GRID1: variants seen among roughly 807,000 people sequenced by gnomAD.
GRID1 encodes glutamate ionotropic receptor delta type subunit 1, also known as glutamate receptor ionotropic, delta-1.
GRID1 carries 28 observed loss-of-function variants against 98.0 expected under a neutral mutation model. That is an observed-to-expected ratio of 0.29 (90% CI 0.21 to 0.39). GRID1 has a LOEUF of 0.39. Among genes scored for constraint, GRID1 ranks in the 10% least tolerant of loss-of-function variants. The probability of loss-of-function intolerance (pLI) is 1.00; values close to 1 mark genes in which losing one functional copy is unlikely to be tolerated. For synonymous variants in GRID1, 553 were observed against 538.5 expected, an observed-to-expected ratio of 1.03 and a Z score of -0.37; for missense variants, 1,111 against 1,340.5, an observed-to-expected ratio of 0.83 and a Z score of 2.67.
At chr10:85,623,098 T>C (rs1169242785) in intron 13 of GRID1, among the ~76,000 whole-genome samples, 3 of 152,198 alleles carry the variant, frequency 2.0e-5, no homozygotes, top group Admixed American at 6.5e-5. Context: ...TCGTCTTCAC[T>C]TCCTTGGCAT....
intron 2 of GRID1, among the ~76,000 whole-genome samples, chr10:86,299,953 C>T (rs1847657813): frequency 6.6e-6 from 1 of 152,184 alleles, no homozygotes; most frequent in Non-Finnish European, 1.5e-5. Flanking sequence ...AAATAGTGTT[C>T]TCCAAAAAGT....
intron 6 of GRID1, among the ~76,000 whole-genome samples, chr10:85,857,560 A>C (rs1843124590): frequency 6.6e-6 from 1 of 152,110 alleles, no homozygotes. Context: ...AGGAGAAGGG[A>C]AGGCGGTGAG....
intron 4 of GRID1, among the ~76,000 whole-genome samples, chr10:86,001,222 T>C (rs1425267959): frequency 6.6e-6 from 1 of 152,124 alleles, no homozygotes; most frequent in Non-Finnish European, 1.5e-5. Flanking sequence ...AGGGATAATA[T>C]AAGGAAATTT....
intron 2 of GRID1, chr10:86,264,562 G>A (rs1847072551): frequency 2.3e-6 from 1 of 439,386 alleles, no homozygotes; most frequent in South Asian, 1.6e-5. Flanking sequence ...ACTCCACCTG[G>A]AGAGCAAGGT....
chr10:85,613,506 G>A lies in GRID1; in HGVS notation c.2502C>T (p.Val834=), dbSNP rs770202857. ...GCAGGCCAATGGCCAGGATGCAGAA[G>A]ACCCCGGCGAAGCTGTGCAGCTTGA... ...KSLKLHSFAG[V]FCILAIGLLL... Residue 834 remains valine (V), a synonymous_variant, in exon 15 of 16, where the codon GTC becomes GTT. Coordinates refer to ENST00000327946, the MANE Select transcript of GRID1 (RefSeq NM_017551.3). 2.5e-6 allele frequency: 4 copies of A among 1,614,192 alleles called. No individual in the cohort carries two copies. The Admixed American group carries it at 6.7e-5, about 27-fold the overall frequency.
intron 4 of GRID1, among the ~76,000 whole-genome samples, chr10:86,076,750 T>C (rs1843887911): frequency 7.3e-6 from 1 of 137,038 alleles, no homozygotes; most frequent in Non-Finnish European, 1.6e-5. Flanking sequence ...GTTGGCAGGA[T>C]TGGTTCCTTC....
At position 85,694,834 on chromosome 10, in the gene GRID1, C is replaced by A. The variant is rs925476939; in HGVS notation, c.1997+28169G>T. Among the ~76,000 whole-genome samples, 6 of 151,440 alleles carry A rather than the reference C, an allele frequency of 4.0e-5. No individual in the cohort carries two copies. In the East Asian group the frequency reaches 7.8e-4, roughly 20 times the overall value. Reference sequence around the variant, plus strand: ...AAGTGGGAGGGTGGGAGGGAGGTGACAATGAGAAATTACTTAATGGGTACA... The same window carrying A: ...AAGTGGGAGGGTGGGAGGGAGGTGAAAATGAGAAATTACTTAATGGGTACA... On this transcript the variant is annotated intron_variant, in intron 12 of 15. Transcript: ENST00000327946.
chr10:86,021,590 T>C (rs976449241), intron 4 of GRID1, among the ~76,000 whole-genome samples: 3 of 152,126 alleles, frequency 2.0e-5, no homozygotes, highest in African/African-American at 7.2e-5. Flanking sequence ...AAGATTTCTA[T>C]ATCCCCTCAG....
chr10:85,675,840 C>A (rs968040225), intron 12 of GRID1, among the ~76,000 whole-genome samples: 11 of 152,112 alleles, frequency 7.2e-5, no homozygotes, highest in African/African-American at 2.7e-4. Context: ...ACAGATTAGG[C>A]AAAGTCATAG....
chr10:86,293,206 CCTT>C (rs1226367545), intron 2 of GRID1, among the ~76,000 whole-genome samples: 5 of 152,302 alleles, frequency 3.3e-5, no homozygotes, highest in Admixed American at 6.5e-5. Flanking sequence ...TGTTATCACT[CCTT>C]CTTTCTTTCC....
intron 4 of GRID1, among the ~76,000 whole-genome samples, chr10:86,020,522 A>T (rs760595030): frequency 6.6e-6 from 1 of 152,248 alleles, no homozygotes; most frequent in Non-Finnish European, 1.5e-5. Flanking sequence ...TTATTTGCTC[A>T]GTGACCTTGG....
intron 2 of GRID1, among the ~76,000 whole-genome samples, chr10:86,317,141 G>A (rs774277114): frequency 6.6e-5 from 10 of 152,166 alleles, no homozygotes; most frequent in East Asian, 1.9e-4. Context: ...AACTCCCCCC[G>A]GACCTGCCCA....
intron 12 of GRID1, among the ~76,000 whole-genome samples, chr10:85,691,212 T>C (rs1024440483): frequency 1.3e-5 from 2 of 152,210 alleles, no homozygotes; most frequent in Non-Finnish European, 2.9e-5. Flanking sequence ...TTCACATTAT[T>C]GTCTGTTAAT....
intron 2 of GRID1, among the ~76,000 whole-genome samples, chr10:86,353,142 C>A (rs2132118120): frequency 6.6e-6 from 1 of 152,312 alleles, no homozygotes; most frequent in East Asian, 1.9e-4. Context: ...CAAAAGCGAC[C>A]AAGTCCCTCC....
At chr10:85,637,863 T>C (rs1256345242) in intron 13 of GRID1, among the ~76,000 whole-genome samples, 1 of 152,174 alleles carries the variant, frequency 6.6e-6, no homozygotes, top group Admixed American at 6.5e-5. Context: ...TTTCCCACAT[T>C]AAATCAATTG....
intron 8 of GRID1, among the ~76,000 whole-genome samples, chr10:85,771,120 T>A (rs1021683309): frequency 6.6e-6 from 1 of 152,176 alleles, no homozygotes; most frequent in Non-Finnish European, 1.5e-5. Flanking sequence ...TAACATCGGA[T>A]CTCTCGGCAG....
intron 8 of GRID1, among the ~76,000 whole-genome samples, chr10:85,839,445 C>T (rs1409907879): frequency 6.6e-6 from 1 of 152,124 alleles, no homozygotes; most frequent in Admixed American, 6.6e-5. Flanking sequence ...TCTCTCATAC[C>T]ACAGTGTAAT....
chr10:85,878,368 GAGA>G (rs1185821057), intron 5 of GRID1, among the ~76,000 whole-genome samples: 1 of 152,130 alleles, frequency 6.6e-6, no homozygotes, highest in Non-Finnish European at 1.5e-5. Context: ...GGCAGCCAGA[GAGA>G]AAGGTCGGGT....
At chr10:85,953,219 G>A (rs1465282283) in intron 4 of GRID1, among the ~76,000 whole-genome samples, 1 of 152,048 alleles carries the variant, frequency 6.6e-6, no homozygotes, top group Non-Finnish European at 1.5e-5. Flanking sequence ...CATGTCCTTT[G>A]CAGGGACATG....
Sources: gnomAD v4.1 joint callset for allele counts (sites outside exome capture counted in the v4.1 genomes callset) on GRCh38, gnomAD v4.1.1 for gene constraint, MANE v1.5 for transcripts, NCBI Gene and HGNC (gene_info 2026-07-23, HGNC 2026-07-21) for gene names.